The following TLCD2 variants were observed in gnomAD, a reference collection of about 807,000 sequenced individuals.
TLCD2 encodes TLC domain containing 2, also known as TLC domain-containing protein 2.
Under a neutral mutation model 14.0 loss-of-function variants are expected in TLCD2, and 12 were observed. That is an observed-to-expected ratio of 0.86 (90% confidence interval 0.55 to 1.39). The LOEUF is 1.39. Ranked by LOEUF, TLCD2 falls within the 40% of genes most tolerant of loss-of-function variation. The pLI, the probability that TLCD2 is intolerant of heterozygous loss-of-function variation, is 0.00. For synonymous variants in TLCD2, 166 were observed against 156.5 expected, an observed-to-expected ratio of 1.06 and a Z score of -0.45; for missense variants, 360 against 346.8, an observed-to-expected ratio of 1.04 and a Z score of -0.30.
At position 1,708,162 on chromosome 17, in the gene TLCD2, A is replaced by T; in HGVS notation, c.403T>A (p.Ser135Thr). 6.5e-7 allele frequency: 1 copy of T among 1,536,638 alleles called. No homozygotes were observed. The highest frequency in any genetic ancestry group is 8.7e-7 in the Non-Finnish European group (1 of 1,146,878). Residue 135 changes from serine (S) to threonine (T), a missense_variant, in exon 4 of 4, where the codon TCT becomes ACT. Physicochemically the swap from Ser to Thr is moderately conservative, Grantham distance 58 (BLOSUM62 1). Transcript: ENST00000330676. ...SGHYVGFSMVSLLLELNSACL... is the reference protein window; with the variant it reads ...SGHYVGFSMVTLLLELNSACL... ...GCAGAGTTCAGTTCCAGGAGCAGAG[A>T]CACCATGGAGAAGCCCACGTAGTGG...
rs919348537 is a variant in TLCD2, at chr17:1,708,254, C to T, written c.343-32G>A. 39 of 1,452,408 alleles carry T rather than the reference C, an allele frequency of 2.7e-5. No individual in the cohort carries two copies. The East Asian group carries it at 8.9e-4, about 33-fold the overall frequency. 90.0% of individuals were successfully genotyped at this position (1,452,408 alleles called of 1,614,324 possible). On this transcript the variant is annotated intron_variant, in intron 3 of 3. Coordinates refer to ENST00000330676, the MANE Select transcript of TLCD2 (RefSeq NM_001164407.2). Reference sequence around the variant, plus strand: ...GCCAGGGTCACAGGTCAGAGGAACCCCATGACCTGCCAGCCATCATGTCCC... The same window carrying T: ...GCCAGGGTCACAGGTCAGAGGAACCTCATGACCTGCCAGCCATCATGTCCC...
At chr17:1,709,910 G>GA in intron 1 of TLCD2, 24 bp from the exon 2 acceptor site, 2 of 1,416,898 alleles carry the variant, frequency 1.4e-6, no homozygotes, top group East Asian at 2.6e-5. Context: ...GTGGGGACAT[G>GA]GGGGGGGGCA....
intron 3 of TLCD2, 90 bp from the exon 4 acceptor site, chr17:1,708,312 G>A (rs923550538): frequency 1.3e-5 from 13 of 1,020,746 alleles, no homozygotes; most frequent in Middle Eastern, 3.2e-4. Flanking sequence ...AGGCTTCCAC[G>A]CAGTCTGTGG....
chr17:1,704,346 C>G lies in TLCD2; in HGVS notation c.*3424G>C, dbSNP rs1356640367. The G allele has an allele frequency of 6.6e-6, 1 of 151,292 alleles. No individual in the cohort carries two copies. The highest frequency in any genetic ancestry group is 1.5e-5 in the Non-Finnish European group (1 of 67,976). The allele number at this position is 151,292 out of a possible 1,614,324, so 9.4% of individuals were successfully genotyped here. A position where few individuals can be genotyped will look rare whatever the true frequency, so the allele number is the denominator to read the frequency against. On this transcript the variant is annotated 3_prime_UTR_variant, in exon 4 of 4. Coordinates refer to ENST00000330676, the MANE Select transcript of TLCD2 (RefSeq NM_001164407.2). ...CTCCTGAGCTCAACCACTCCTCCTACCTCGGCCTCCCAAAGTGCTGGGATT... is the reference window on the plus strand; with the variant it reads ...CTCCTGAGCTCAACCACTCCTCCTAGCTCGGCCTCCCAAAGTGCTGGGATT...
At position 1,708,025 on chromosome 17, in the gene TLCD2, C is replaced by T. The variant is rs755639948; in HGVS notation, c.540G>A (p.Pro180=). 22 of 1,537,122 alleles carry T rather than the reference C, an allele frequency of 1.4e-5. No individual in the cohort carries two copies. Among genetic ancestry groups the T allele is most frequent in the Admixed American group, 1.2e-4 (6 of 50,976 alleles). ...LATLALFRLV[P]LGWMSLWLFR... ...ACAGCCACAGACTCATCCACCCCAG[C>T]GGGACCAGGCGGAAGAGGGCCAAGG... The change falls in exon 4 of 4, where the codon CCG becomes CCA. Residue 180 remains proline (P), a synonymous_variant. Transcript: ENST00000330676.
intron 2 of TLCD2, 32 bp downstream of exon 2, chr17:1,709,772 C>A: frequency 7.0e-7 from 1 of 1,433,188 alleles, no homozygotes; most frequent in Non-Finnish European, 9.5e-7. Flanking sequence ...GCCCCATCCC[C>A]ACCACCGGCC....
At position 1,707,894 on chromosome 17, in the gene TLCD2, T is replaced by C; in HGVS notation, c.671A>G (p.Asn224Ser). The C allele has an allele frequency of 1.3e-6, 2 of 1,537,256 alleles. No individual in the cohort carries two copies. The highest frequency in any genetic ancestry group is 2.4e-5 in the East Asian group (1 of 40,902). ...ATGGGGTCGAGACTGTAGGACATCATTGACCAGAATACGGATCCCCAATAT... is the reference window on the plus strand; with the variant it reads ...ATGGGGTCGAGACTGTAGGACATCACTGACCAGAATACGGATCCCCAATAT... The part of the protein sequence containing the change: ...SIILGIRILV[N>S]DVLQSRPHPP... Residue 224 changes from asparagine to serine, a missense_variant, in exon 4 of 4, where the codon AAT becomes AGT. By Grantham distance (46) the Asn-to-Ser change is conservative. Coordinates refer to ENST00000330676, the MANE Select transcript of TLCD2 (RefSeq NM_001164407.2).
intron 3 of TLCD2, among the ~76,000 whole-genome samples, chr17:1,708,427 G>C (rs571180477): frequency 5.3e-5 from 8 of 151,912 alleles, no homozygotes; most frequent in Admixed American, 2.0e-4. Flanking sequence ...CCCAGGGAGG[G>C]GCTGTCTCAC....
chr17:1,710,164 G>A lies in TLCD2; in HGVS notation c.79C>T (p.Pro27Ser), dbSNP rs1418147245. ...RGLHWGLRRL[P>S]TPESAARDRW... ...TCCCGAGCGGCCGATTCCGGCGTGG[G>A]CAGCCGCCGCAACCCCCAGTGCAGC... The change falls in exon 1 of 4, where the codon CCC becomes TCC. Residue 27 changes from proline (P) to serine (S), a missense_variant. Pro to Ser is a moderately conservative substitution (Grantham distance 74). Transcript: ENST00000330676. The surrounding 1 kb of genome is among the most constrained non-coding windows in gnomAD (Gnocchi z 6.1). 6.5e-7 allele frequency: 1 copy of A among 1,532,940 alleles called. No individual in the cohort carries two copies. Among genetic ancestry groups the A allele is most frequent in the Non-Finnish European group, 8.7e-7 (1 of 1,146,198 alleles). The allele number at this position is 1,532,940 out of a possible 1,614,324, so 95.0% of individuals were successfully genotyped here.
At position 1,707,845 on chromosome 17, in the gene TLCD2, T is replaced by C. The variant is rs887345361; in HGVS notation, c.720A>G (p.Lys240=). The C allele has an allele frequency of 2.6e-6, 4 of 1,535,910 alleles. No homozygotes were observed. The African/African-American group carries it at 5.5e-5, about 21-fold the overall frequency. ...RPHPPSPGHE[K]TRGTRTRRDN... ...CACGACGTGTCCTGGTCCCCCTGGTTTTCTCATGGCCAGGGCTGGGTGGAT... is the reference window on the plus strand; with the variant it reads ...CACGACGTGTCCTGGTCCCCCTGGTCTTCTCATGGCCAGGGCTGGGTGGAT... Residue 240 remains lysine, a synonymous_variant, in exon 4 of 4, where the codon AAA becomes AAG. Transcript: ENST00000330676.
intron 1 of TLCD2, 48 bp from the exon 2 acceptor site, chr17:1,709,934 G>A (rs1914168696): frequency 6.6e-7 from 1 of 1,515,108 alleles, no homozygotes; most frequent in South Asian, 1.2e-5. Flanking sequence ...TCAGCCTCTC[G>A]AGGCCCCGGC....
In TLCD2 at chr17:1,708,068, C is replaced by G. The variant is rs1229766888; in HGVS notation, c.497G>C (p.Ser166Thr). The G allele has an allele frequency of 6.5e-7, 1 of 1,537,234 alleles. No homozygotes were observed. The highest frequency in any genetic ancestry group is 2.4e-5 in the East Asian group (1 of 40,920). The change falls in exon 4 of 4, where the codon AGC becomes ACC. Residue 166 changes from serine to threonine, a missense_variant. Transcript: ENST00000330676. ...GGCCAAGGTGGCCAAGGAGGCCCAG[C>G]TGGTCACGCTGAAGGCCAGGGATGG... is the stretch of plus-strand genomic sequence containing the variant. ...QAPSLAFSVTSWASLATLALF... is the reference protein window; with the variant it reads ...QAPSLAFSVTTWASLATLALF...
At position 1,707,378 on chromosome 17, in the gene TLCD2, C is replaced by G. The variant is rs1914067115; in HGVS notation, c.*392G>C. The G allele has an allele frequency of 9.8e-6, 2 of 203,572 alleles. No homozygotes were observed. Among genetic ancestry groups the G allele is most frequent in the South Asian group, 2.9e-4 (2 of 6,824 alleles). 12.6% of individuals were successfully genotyped at this position (203,572 alleles called of 1,614,324 possible). On this transcript the variant is annotated 3_prime_UTR_variant, in exon 4 of 4. Transcript: ENST00000330676. ...CTCTCTGTCCCCACCCGCCCCATAC[C>G]AGATCTCTCTGATCCTAGTGGGACT...
At position 1,702,907 on chromosome 17, in the gene TLCD2, T is replaced by G. The variant is rs1913919384; in HGVS notation, c.*4863A>C. 6.6e-6 allele frequency: 1 copy of G among 152,200 alleles called. No individual in the cohort carries two copies. Among genetic ancestry groups the G allele is most frequent in the South Asian group, 2.1e-4 (1 of 4,832 alleles). The allele number at this position is 152,200 out of a possible 1,614,324, so 9.4% of individuals were successfully genotyped here. A position where few individuals can be genotyped will look rare whatever the true frequency, so the allele number is the denominator to read the frequency against. On this transcript the variant is annotated 3_prime_UTR_variant, in exon 4 of 4. Coordinates refer to ENST00000330676, the MANE Select transcript of TLCD2 (RefSeq NM_001164407.2). ...ATCCCATCCAGAAAAGCCCCTTCCC[T>G]GTCCTGGAGGACAAAGAAATCATTA...
At position 1,706,821 on chromosome 17, in the gene TLCD2, C is replaced by CTAAAAA. The variant is rs1173166783; in HGVS notation, c.*943_*948dup. 7 of 144,608 alleles carry CTAAAAA rather than the reference C, an allele frequency of 4.8e-5. No homozygotes were observed. The highest frequency in any genetic ancestry group is 9.2e-5 in the Non-Finnish European group (6 of 65,518). 9.0% of individuals were successfully genotyped at this position (144,608 alleles called of 1,614,324 possible). On this transcript the variant is annotated 3_prime_UTR_variant, in exon 4 of 4. Transcript: ENST00000330676. ...AAGAAAAAAGAAAAGTCAAAAGATA[C>CTAAAAA]TAAAAATAAAAATAAAAATAAAAGG... is the stretch of plus-strand genomic sequence containing the variant.
chr17:1,710,356 C>T lies in TLCD2; in HGVS notation c.-114G>A, dbSNP rs1914192637. 2.3e-6 allele frequency: 2 copies of T among 887,222 alleles called. No homozygotes were observed. Among genetic ancestry groups the T allele is most frequent in the Non-Finnish European group, 1.6e-6 (1 of 623,968 alleles). The allele number at this position is 887,222 out of a possible 1,614,324, so 55.0% of individuals were successfully genotyped here. On this transcript the variant is annotated 5_prime_UTR_variant, in exon 1 of 4. Coordinates refer to ENST00000330676, the MANE Select transcript of TLCD2 (RefSeq NM_001164407.2). This position sits in a 1 kb window ranked among gnomAD's most constrained non-coding sequence, Gnocchi z 6.1. ...AGGGCTGGGGCCCCGGCTCCCCTCCCCGCCGCGCCTTTGGGATCAGCAGGA... is the reference window on the plus strand; with the variant it reads ...AGGGCTGGGGCCCCGGCTCCCCTCCTCGCCGCGCCTTTGGGATCAGCAGGA...
At chr17:1,709,649 CCCCGCCCCG>C in intron 2 of TLCD2, 68 bp from the exon 3 acceptor site, 1 of 1,316,266 alleles carries the variant, frequency 7.6e-7, no homozygotes. Context: ...TTTCCAGCCC[CCCCGCCCCG>C]CCCCTCTCCC....
chr17:1,708,220 C>T lies in TLCD2; in HGVS notation c.345G>A (p.Val115=). The T allele has an allele frequency of 6.6e-7, 1 of 1,519,044 alleles. No individual in the cohort carries two copies. The highest frequency in any genetic ancestry group is 8.8e-7 in the Non-Finnish European group (1 of 1,136,598). 94.1% of individuals were successfully genotyped at this position (1,519,044 alleles called of 1,614,324 possible). A position where few individuals can be genotyped will look rare whatever the true frequency, so the allele number is the denominator to read the frequency against. ...GAACAGCGGTGCTGAGGCAGCTCAC[C>T]ACCTGGGAGCCAGGGTCACAGGTCA... The part of the protein sequence containing the change: ...TWDLLCHHLV[V]VSCLSTAVLS... The change falls in exon 4 of 4, where the codon GTG becomes GTA. Residue 115 remains valine (V), a splice_region_variant and synonymous_variant. Coordinates refer to ENST00000330676, the MANE Select transcript of TLCD2 (RefSeq NM_001164407.2).
intron 1 of TLCD2, 26 bp from the exon 2 acceptor site, chr17:1,709,912 G>GC (rs1292426310): frequency 2.6e-6 from 4 of 1,520,736 alleles, no homozygotes; most frequent in African/African-American, 2.8e-5. Context: ...GGGGACATGG[G>GC]GGGGGGCATG....
Sources: gnomAD v4.1 joint callset for allele counts (sites outside exome capture counted in the v4.1 genomes callset) on GRCh38, gnomAD v4.1.1 for gene constraint, Gnocchi (gnomAD v3.1) non-coding constraint, MANE v1.5 for transcripts, NCBI Gene and HGNC (gene_info 2026-07-23, HGNC 2026-07-21) for gene names.